WFDC1: variants seen among roughly 807,000 people sequenced by gnomAD.
The protein encoded by WFDC1 is WAP four-disulfide core domain 1.
A neutral mutation model predicts 32.9 loss-of-function variants in WFDC1; 39 were observed. That is an observed-to-expected ratio of 1.19 (90% CI 0.92 to 1.55). The LOEUF is 1.55. Among genes scored for constraint, WFDC1 ranks in the 40% most tolerant of loss-of-function variants. The pLI, the probability that WFDC1 is intolerant of heterozygous loss-of-function variation, is 0.00. For synonymous variants in WFDC1, 184 were observed against 137.4 expected (o/e 1.34, Z -2.37); for missense variants, 386 against 309.5 (o/e 1.25, Z -1.85).
intron 1 of WFDC1, among the ~76,000 whole-genome samples, chr16:84,312,171 C>G (rs1351195853): frequency 1.3e-5 from 2 of 152,058 alleles, no homozygotes; most frequent in African/African-American, 2.4e-5. Context: ...GTCTCAAAAA[C>G]AAAACAAAAC....
intron 2 of WFDC1, among the ~76,000 whole-genome samples, chr16:84,313,540 T>C (rs932981059): frequency 6.6e-6 from 1 of 152,146 alleles, no homozygotes; most frequent in Non-Finnish European, 1.5e-5. Flanking sequence ...AGATCAAGAT[T>C]CGAGGCTTTT....
chr16:84,305,641 G>T (rs1455012200), intron 1 of WFDC1, among the ~76,000 whole-genome samples: 1 of 152,184 alleles, frequency 6.6e-6, no homozygotes, highest in Non-Finnish European at 1.5e-5. Flanking sequence ...CAGCGGAAAT[G>T]AAGAAAGACT....
chr16:84,306,769 T>TTCATCACCA (rs113505616), intron 1 of WFDC1, among the ~76,000 whole-genome samples: 12 of 151,376 alleles, frequency 7.9e-5, no homozygotes, highest in African/African-American at 2.9e-4. Flanking sequence ...CATCCTCATC[T>TTCATCACCA]TCATCATCAT....
chr16:84,318,695 G>T, intron 3 of WFDC1: 1 of 235,520 alleles, frequency 4.2e-6, no homozygotes, highest in South Asian at 6.5e-5. Flanking sequence ...CCTCCCTGGG[G>T]GTGGGGGAGG....
intron 1 of WFDC1, among the ~76,000 whole-genome samples, chr16:84,299,918 T>C (rs1172186164): frequency 2.0e-5 from 3 of 152,232 alleles, no homozygotes; most frequent in Non-Finnish European, 4.4e-5. Context: ...TTGCATTGTC[T>C]ATCTGGAGGC....
At chr16:84,324,746 T>C (rs1908488566) in intron 5 of WFDC1, among the ~76,000 whole-genome samples, 2 of 152,146 alleles carry the variant, frequency 1.3e-5, no homozygotes, top group Non-Finnish European at 2.9e-5. Context: ...ACACGCCTGA[T>C]ACCACTCTTC....
At position 84,318,359 on chromosome 16, in the gene WFDC1, C is replaced by G. The variant is rs1908087005; in HGVS notation, c.421+4C>G. The G allele has an allele frequency of 6.2e-7, 1 of 1,613,870 alleles. No individual in the cohort carries two copies. On this transcript the variant is annotated splice_donor_region_variant and intron_variant, in intron 3 of 6. Transcript: ENST00000219454. ...GGCCCTGAGGAGGTGTTACAAGGTA[C>G]CTGCCGGGTAAAGCCCAGACCCTAC...
At chr16:84,303,776 G>A (rs1417319490) in intron 1 of WFDC1, among the ~76,000 whole-genome samples, 1 of 152,102 alleles carries the variant, frequency 6.6e-6, no homozygotes, top group African/African-American at 2.4e-5. Flanking sequence ...GTTTTGGAAC[G>A]TTCCCATCAA....
At chr16:84,308,369 G>T (rs550436537) in intron 1 of WFDC1, among the ~76,000 whole-genome samples, 4 of 152,200 alleles carry the variant, frequency 2.6e-5, no homozygotes, top group African/African-American at 9.6e-5. Flanking sequence ...AGATAGGCAC[G>T]CAGGAAGGAC....
At chr16:84,303,988 TG>T (rs1907098299) in intron 1 of WFDC1, among the ~76,000 whole-genome samples, 1 of 152,212 alleles carries the variant, frequency 6.6e-6, no homozygotes, top group African/African-American at 2.4e-5. Flanking sequence ...TAATAATCTG[TG>T]GGAAGTATGT....
chr16:84,329,087 A>T (rs991782417), intron 6 of WFDC1: 1 of 152,152 alleles, frequency 6.6e-6, no homozygotes, highest in Non-Finnish European at 1.5e-5. Context: ...AACTGATGGT[A>T]GGGGAGGAGT....
rs1395913636 is a variant in WFDC1 at position 84,329,445 on chromosome 16, G to A, written c.*139G>A. ...AGACCCCAGAGATGCTTAGAGACAG[G>A]ACACCTGGCCATCAAACCCAGTTTG... On this transcript the variant is annotated 3_prime_UTR_variant, in exon 7 of 7. Coordinates refer to ENST00000219454, the MANE Select transcript of WFDC1 (RefSeq NM_021197.4). The A allele has an allele frequency of 6.6e-6, 1 of 152,138 alleles. No homozygotes were observed. The highest frequency in any genetic ancestry group is 6.5e-5 in the Admixed American group (1 of 15,272). 9.4% of individuals were successfully genotyped at this position (152,138 alleles called of 1,614,324 possible).
intron 1 of WFDC1, among the ~76,000 whole-genome samples, chr16:84,312,163 C>T (rs1416167550): frequency 6.6e-6 from 1 of 152,140 alleles, no homozygotes. Context: ...GAAACTCCGT[C>T]TCAAAAACAA....
intron 1 of WFDC1, among the ~76,000 whole-genome samples, chr16:84,309,592 G>T (rs145062446): frequency 4.7e-4 from 72 of 152,232 alleles, no homozygotes; most frequent in African/African-American, 1.7e-3. Flanking sequence ...AAACTGGGGT[G>T]GGAGGGGTGG....
At chr16:84,315,079 A>G (rs1907869704) in intron 2 of WFDC1, among the ~76,000 whole-genome samples, 1 of 152,220 alleles carries the variant, frequency 6.6e-6, no homozygotes, top group South Asian at 2.1e-4. Context: ...CTGACTGTAG[A>G]GAAGTGTTCA....
chr16:84,324,659 A>G (rs1475666289), intron 5 of WFDC1, among the ~76,000 whole-genome samples, 199 bp downstream of exon 5: 2 of 152,338 alleles, frequency 1.3e-5, no homozygotes, highest in South Asian at 2.1e-4. Context: ...CATGGCAAAC[A>G]TGACCTCATG....
At chr16:84,297,980 C>T (rs1186481195) in intron 1 of WFDC1, among the ~76,000 whole-genome samples, 1 of 152,184 alleles carries the variant, frequency 6.6e-6, no homozygotes. Context: ...CCCTGACCCT[C>T]AAGGGCTATG....
In WFDC1 at chr16:84,295,043, TCTC is replaced by T. The variant is rs779142020; in HGVS notation, c.77_79del (p.Leu26del). ...TCCGGGCTCTGTGCCTCTTGCTACT[TCTC>T]CTCCACGCCGGCTCTGCCAAGAATA... On this transcript the variant is annotated inframe_deletion, in exon 1 of 7. Transcript: ENST00000219454. 27 of 1,614,162 alleles carry T rather than the reference TCTC, an allele frequency of 1.7e-5. No homozygotes were observed. The East Asian group carries it at 2.2e-4, about 13-fold the overall frequency.
intron 1 of WFDC1, among the ~76,000 whole-genome samples, chr16:84,301,337 G>A (rs543039260): frequency 2.0e-5 from 3 of 152,302 alleles, no homozygotes; most frequent in African/African-American, 7.2e-5. Context: ...GCTTCTGTTG[G>A]TTGCAACCGG....
Sources: allele counts gnomAD v4.1 joint callset (sites outside exome capture counted in the v4.1 genomes callset), GRCh38; gene constraint gnomAD v4.1.1; transcripts MANE v1.5; gene names NCBI Gene and HGNC (gene_info 2026-07-23, HGNC 2026-07-21).